RBFOX1: variants seen among roughly 807,000 people sequenced by gnomAD.
RBFOX1 encodes RNA binding fox-1 homolog 1, also known as RNA binding protein fox-1 homolog 1.
RBFOX1 carries 8 observed loss-of-function variants against 57.7 expected under a neutral mutation model. That is an observed-to-expected ratio of 0.14 (90% CI 0.08 to 0.25). RBFOX1 has a LOEUF of 0.25. Ranked by LOEUF, RBFOX1 falls within the 10% of genes least tolerant of loss-of-function variation. The pLI, the probability that RBFOX1 is intolerant of heterozygous loss-of-function variation, is 1.00. For missense variants in RBFOX1, 611 were observed against 548.5 expected, an observed-to-expected ratio of 1.11 and a Z score of -1.14; for synonymous variants, 326 against 222.4, an observed-to-expected ratio of 1.47 and a Z score of -4.15.
intron 2 of RBFOX1, among the ~76,000 whole-genome samples, chr16:5,592,327 T>C (rs1471459511): frequency 2.0e-5 from 3 of 152,176 alleles, no homozygotes; most frequent in South Asian, 4.1e-4. Context: ...CAATTATATA[T>C]GCGCAGAATT....
At chr16:5,811,253 C>G (rs2055419613) in intron 3 of RBFOX1, among the ~76,000 whole-genome samples, 1 of 149,486 alleles carries the variant, frequency 6.7e-6, no homozygotes, top group African/African-American at 2.5e-5. Flanking sequence ...TCCACCTCAG[C>G]CTCCCAAGTA....
At chr16:7,143,989 G>A (rs1038440215) in intron 4 of RBFOX1, among the ~76,000 whole-genome samples, 2 of 152,138 alleles carry the variant, frequency 1.3e-5, no homozygotes, top group Admixed American at 6.5e-5. Context: ...AAACCATGGT[G>A]TTGTCTTTGG....
At chr16:6,995,107 T>C (rs186921899) in intron 3 of RBFOX1, among the ~76,000 whole-genome samples, 11 of 152,252 alleles carry the variant, frequency 7.2e-5, no homozygotes, top group Non-Finnish European at 1.5e-4. Flanking sequence ...AGAACAACCA[T>C]AGTCTGTTAT....
chr16:7,416,884 C>G (rs1160920355), intron 4 of RBFOX1, among the ~76,000 whole-genome samples: 2 of 152,100 alleles, frequency 1.3e-5, no homozygotes, highest in African/African-American at 2.4e-5. Flanking sequence ...GACAACAACC[C>G]TCTGAAGGAG....
At chr16:6,648,748 G>C (rs1207574011) in intron 2 of RBFOX1, among the ~76,000 whole-genome samples, 1 of 152,160 alleles carries the variant, frequency 6.6e-6, no homozygotes, top group Non-Finnish European at 1.5e-5. Context: ...AGCAGACAGA[G>C]AGCTGCTTTT....
chr16:7,186,456 A>G (rs1050824699), intron 4 of RBFOX1, among the ~76,000 whole-genome samples: 3 of 128,338 alleles, frequency 2.3e-5, no homozygotes, highest in Non-Finnish European at 4.7e-5. Context: ...AAATATAAAC[A>G]TAAACATATT....
chr16:7,238,900 T>C (rs775006748), intron 4 of RBFOX1, among the ~76,000 whole-genome samples: 1 of 152,210 alleles, frequency 6.6e-6, no homozygotes, highest in Non-Finnish European at 1.5e-5. Flanking sequence ...GTGTTTGGTT[T>C]TATGTTCCTT....
Position 7,653,909 on chromosome 16 carries a change from G to C in RBFOX1, c.852G>C (p.Arg284Ser). Reference sequence around the variant, plus strand: ...GTCGCACCGTGTACAACACCTTCAGGGCCGCGGCGCCCCCGCCCCCGATCC... The same window carrying C: ...GTCGCACCGTGTACAACACCTTCAGCGCCGCGGCGCCCCCGCCCCCGATCC... ...GRGRTVYNTF[R>S]AAAPPPPIPA... is the part of the protein sequence containing the mutation. Residue 284 changes from arginine (R) to serine (S), a missense_variant, in exon 12 of 16, where the codon AGG becomes AGC. Arg to Ser is a moderately radical substitution (Grantham distance 110). Around this residue, in one of 3 missense-constraint regions of RBFOX1, gnomAD observed 267 missense variants for 229.1 expected, o/e 1.17. Coordinates refer to ENST00000550418, the MANE Select transcript of RBFOX1 (RefSeq NM_018723.4). The C allele has an allele frequency of 1.9e-6, 3 of 1,579,698 alleles. No homozygotes were observed. Among genetic ancestry groups the C allele is most frequent in the Non-Finnish European group, 2.6e-6 (3 of 1,168,730 alleles).
intron 2 of RBFOX1, among the ~76,000 whole-genome samples, chr16:5,555,021 T>G (rs534018135): frequency 7.9e-5 from 12 of 152,296 alleles, no homozygotes; most frequent in African/African-American, 2.9e-4. Flanking sequence ...ACTGGGTCAC[T>G]CTGACAACCA....
chr16:7,320,694 C>T (rs1381627093), intron 4 of RBFOX1, among the ~76,000 whole-genome samples: 2 of 152,218 alleles, frequency 1.3e-5, no homozygotes, highest in African/African-American at 4.8e-5. Context: ...TTTAAACGCT[C>T]AGCACTCTAA....
intron 2 of RBFOX1, among the ~76,000 whole-genome samples, chr16:5,524,271 C>G (rs9302803): frequency 0.77 from 117,495 of 152,104 alleles, 46,439 homozygotes; most frequent in East Asian, 0.99. Context: ...TATTTCCGTG[C>G]TGTGTTACTG....
chr16:6,560,174 CAAAA>C (rs5815323), intron 2 of RBFOX1, among the ~76,000 whole-genome samples: 141 of 121,468 alleles, frequency 1.2e-3, no homozygotes, highest in African/African-American at 3.6e-3. Context: ...TGCCATTTAT[CAAAA>C]AAAAAAAAAA....
chr16:7,658,704 A>C (rs962514432), intron 12 of RBFOX1, among the ~76,000 whole-genome samples: 2 of 152,176 alleles, frequency 1.3e-5, no homozygotes, highest in African/African-American at 4.8e-5. Flanking sequence ...ATGTGAGTAC[A>C]ATGGGGTGCT....
intron 1 of RBFOX1, among the ~76,000 whole-genome samples, chr16:6,249,096 A>G (rs776079721): frequency 3.3e-5 from 5 of 152,176 alleles, no homozygotes; most frequent in Non-Finnish European, 7.3e-5. Flanking sequence ...GGATTAGTCC[A>G]GCCCCCACTC....
chr16:5,476,874 A>G (rs560437655), intron 2 of RBFOX1, among the ~76,000 whole-genome samples: 4 of 152,166 alleles, frequency 2.6e-5, no homozygotes, highest in African/African-American at 9.6e-5. Flanking sequence ...ACCTTTCTCA[A>G]TCTAGTTCTC....
chr16:5,773,722 G>C (rs562360570), intron 3 of RBFOX1, among the ~76,000 whole-genome samples: 11 of 152,244 alleles, frequency 7.2e-5, no homozygotes, highest in African/African-American at 1.9e-4. Flanking sequence ...TTTTGAGACA[G>C]AGTCTCGCTC....
At chr16:5,561,065 C>A (rs1444904986) in intron 2 of RBFOX1, among the ~76,000 whole-genome samples, 1 of 152,152 alleles carries the variant, frequency 6.6e-6, no homozygotes, top group Non-Finnish European at 1.5e-5. Context: ...TTTATCAATT[C>A]CCAAATGGAT....
At chr16:7,415,120 G>A (rs2149210659) in intron 4 of RBFOX1, among the ~76,000 whole-genome samples, 1 of 152,282 alleles carries the variant, frequency 6.6e-6, no homozygotes, top group East Asian at 1.9e-4. Flanking sequence ...ATCCTCTTAA[G>A]GAACTAATTA....
chr16:6,702,096 TA>T (rs2061943562), intron 3 of RBFOX1, among the ~76,000 whole-genome samples: 1 of 152,042 alleles, frequency 6.6e-6, no homozygotes, highest in Non-Finnish European at 1.5e-5. Flanking sequence ...GAATCTAAAA[TA>T]AAAGTTTAAA....
Sources: allele counts gnomAD v4.1 joint callset (sites outside exome capture counted in the v4.1 genomes callset), GRCh38; gene constraint gnomAD v4.1.1; regional missense constraint gnomAD v4.1.1; transcripts MANE v1.5; gene names NCBI Gene and HGNC (gene_info 2026-07-23, HGNC 2026-07-21).